Variants in SUGCT observed in about 807,000 individuals in gnomAD.
SUGCT encodes succinyl-CoA:glutarate CoA-transferase.
In SUGCT, 41 loss-of-function variants were observed where a neutral mutation model predicts 55.0. That is an observed-to-expected ratio of 0.74 (90% CI 0.58 to 0.97). SUGCT has a LOEUF of 0.97. SUGCT is among the 50% of genes least tolerant of loss of function. The pLI, the probability that SUGCT is intolerant of heterozygous loss-of-function variation, is 0.00. For synonymous variants in SUGCT, 187 were observed against 200.4 expected, an observed-to-expected ratio of 0.93 and a Z score of 0.56; for missense variants, 568 against 547.8, an observed-to-expected ratio of 1.04 and a Z score of -0.37.
intron 1 of SUGCT, chr7:40,151,501 A>G (rs1223207560): frequency 6.2e-6 from 1 of 160,132 alleles, no homozygotes; most frequent in African/African-American, 2.4e-5. Flanking sequence ...ACACTATTGT[A>G]TATGCCTGGC....
At chr7:40,845,169 C>T (rs1262318665) in intron 13 of SUGCT, among the ~76,000 whole-genome samples, 1 of 151,920 alleles carries the variant, frequency 6.6e-6, no homozygotes, top group Non-Finnish European at 1.5e-5. Context: ...TTGTTGTCAG[C>T]AAAGATCACA....
intron 12 of SUGCT, among the ~76,000 whole-genome samples, chr7:40,738,824 A>G (rs1787312969): frequency 6.6e-6 from 1 of 152,200 alleles, no homozygotes; most frequent in African/African-American, 2.4e-5. Flanking sequence ...CTAGGAATAG[A>G]TTCTATAACT....
intron 6 of SUGCT, among the ~76,000 whole-genome samples, chr7:40,211,793 A>T (rs1263077684): frequency 6.6e-6 from 1 of 152,146 alleles, no homozygotes. Context: ...CCACATTCCC[A>T]GCATTTCTTT....
At chr7:40,554,181 G>A (rs1475602245) in intron 12 of SUGCT, among the ~76,000 whole-genome samples, 1 of 152,158 alleles carries the variant, frequency 6.6e-6, no homozygotes, top group Non-Finnish European at 1.5e-5. Flanking sequence ...GACACATTAT[G>A]AGCACTCAAT....
At chr7:40,599,686 T>C (rs1346309810) in intron 12 of SUGCT, among the ~76,000 whole-genome samples, 2 of 152,206 alleles carry the variant, frequency 1.3e-5, no homozygotes, top group African/African-American at 2.4e-5. Flanking sequence ...TACCAGCTTG[T>C]TGATAATACA....
chr7:40,676,806 T>A (rs1320652258), intron 12 of SUGCT, among the ~76,000 whole-genome samples: 1 of 152,038 alleles, frequency 6.6e-6, no homozygotes, highest in Non-Finnish European at 1.5e-5. Context: ...CCTGGCCTAT[T>A]CCCTTGTGTT....
At chr7:40,318,604 T>G (rs561934978) in intron 9 of SUGCT, among the ~76,000 whole-genome samples, 2 of 152,254 alleles carry the variant, frequency 1.3e-5, no homozygotes, top group South Asian at 4.1e-4. Context: ...GCCTGGCTAA[T>G]TTTTGTATTT....
intron 13 of SUGCT, among the ~76,000 whole-genome samples, chr7:40,854,450 T>G (rs1466918992): frequency 2.0e-5 from 3 of 146,774 alleles, no homozygotes; most frequent in Non-Finnish European, 3.0e-5. Flanking sequence ...CTTTCTTTCT[T>G]TCTTTCTTTC....
intron 12 of SUGCT, among the ~76,000 whole-genome samples, chr7:40,536,391 C>T (rs182598761): frequency 2.0e-5 from 3 of 152,192 alleles, no homozygotes; most frequent in South Asian, 4.1e-4. Flanking sequence ...TCTGAAGGTA[C>T]GGGGACAGAA....
At chr7:40,688,094 A>G (rs1784542160) in intron 12 of SUGCT, among the ~76,000 whole-genome samples, 2 of 152,252 alleles carry the variant, frequency 1.3e-5, no homozygotes, top group Non-Finnish European at 1.5e-5. Flanking sequence ...CAAATCTATA[A>G]TCTCAATAGT....
intron 11 of SUGCT, among the ~76,000 whole-genome samples, chr7:40,487,101 T>TTG (rs1791409704): frequency 6.9e-6 from 1 of 144,992 alleles, no homozygotes; most frequent in African/African-American, 2.5e-5. Context: ...TTTTTTTTTT[T>TTG]GACACAGAGT....
intron 13 of SUGCT, among the ~76,000 whole-genome samples, chr7:40,752,241 C>T (rs1210863892): frequency 1.3e-5 from 2 of 152,272 alleles, no homozygotes; most frequent in East Asian, 1.9e-4. Flanking sequence ...ACTCTTCTGA[C>T]GGTCATGGCT....
intron 1 of SUGCT, among the ~76,000 whole-genome samples, chr7:40,170,231 G>A (rs866087549): frequency 1.3e-5 from 2 of 152,060 alleles, no homozygotes; most frequent in Non-Finnish European, 2.9e-5. Flanking sequence ...ACCAGAGATC[G>A]CCAGACTCTC....
the SUGCT span, among the ~76,000 whole-genome samples, chr7:41,022,684 T>A: frequency 6.6e-6 from 1 of 152,194 alleles, no homozygotes; most frequent in African/African-American, 2.4e-5. Context: ...TATTTTGAAT[T>A]CTTTAAAATG....
the SUGCT span, among the ~76,000 whole-genome samples, chr7:40,984,992 A>AG: frequency 6.6e-6 from 1 of 152,216 alleles, no homozygotes; most frequent in African/African-American, 2.4e-5. Context: ...CAGAGACTCA[A>AG]GGGAACATTT....
intron 6 of SUGCT, among the ~76,000 whole-genome samples, chr7:40,230,633 A>T (rs1021317435): frequency 6.6e-6 from 1 of 152,166 alleles, no homozygotes; most frequent in Admixed American, 6.5e-5. Flanking sequence ...AGAGTCCAGG[A>T]TGGCCCTTAG....
intron 13 of SUGCT, chr7:40,782,729 T>C (rs1789820072): frequency 6.6e-6 from 1 of 152,200 alleles, no homozygotes; most frequent in Admixed American, 6.5e-5. Flanking sequence ...GGGGGCCTCA[T>C]TCCTTACCCC....
chr7:40,242,534 A>T (rs972888394), intron 7 of SUGCT, among the ~76,000 whole-genome samples: 10 of 152,060 alleles, frequency 6.6e-5, no homozygotes, highest in African/African-American at 2.4e-4. Context: ...GTAAAGTACT[A>T]AAGCCCAACT....
At chr7:40,636,400 T>C (rs141151805) in intron 12 of SUGCT, among the ~76,000 whole-genome samples, 294 of 152,278 alleles carry the variant, frequency 1.9e-3, no homozygotes, top group African/African-American at 6.2e-3. Context: ...GGAAGCTGTA[T>C]TGCCTCTGTC....
Sources: allele counts gnomAD v4.1 joint callset (sites outside exome capture counted in the v4.1 genomes callset), GRCh38; gene constraint gnomAD v4.1.1; transcripts MANE v1.5; gene names NCBI Gene and HGNC (gene_info 2026-07-23, HGNC 2026-07-21).